The following EBF2 variants were observed in gnomAD, a reference collection of about 807,000 sequenced individuals.
The protein encoded by EBF2 is transcription factor COE2.
In EBF2, 21 loss-of-function variants were observed where a neutral mutation model predicts 72.8. The ratio of observed to expected loss-of-function variants is 0.29; its 90% CI spans 0.20 to 0.42. The LOEUF is 0.42. EBF2 is among the 10% of genes least tolerant of loss of function. The probability of loss-of-function intolerance (pLI) is 1.00; values close to 1 mark genes in which losing one functional copy is unlikely to be tolerated. For synonymous variants in EBF2, 299 were observed against 274.2 expected, an observed-to-expected ratio of 1.09 and a Z score of -0.89; for missense variants, 637 against 731.2, an observed-to-expected ratio of 0.87 and a Z score of 1.49.
At chr8:25,990,188 T>C (rs969567826) in intron 6 of EBF2, among the ~76,000 whole-genome samples, 11 of 146,268 alleles carry the variant, frequency 7.5e-5, no homozygotes, top group Non-Finnish European at 1.1e-4. Context: ...CTATGGGTTA[T>C]ACACACACAC....
At chr8:25,969,017 A>G (rs191044794) in intron 6 of EBF2, among the ~76,000 whole-genome samples, 24 of 152,356 alleles carry the variant, frequency 1.6e-4, no homozygotes, top group Non-Finnish European at 2.4e-4. Context: ...ATGGTAAAAA[A>G]AAATTTTGAT....
intron 14 of EBF2, among the ~76,000 whole-genome samples, chr8:25,853,309 A>G (rs539014097): frequency 6.6e-6 from 1 of 152,170 alleles, no homozygotes; most frequent in Non-Finnish European, 1.5e-5. Context: ...AGATATGTTC[A>G]TATCCTCAAT....
At chr8:25,955,785 G>A (rs1020993825) in intron 6 of EBF2, among the ~76,000 whole-genome samples, 1 of 135,284 alleles carries the variant, frequency 7.4e-6, no homozygotes, top group Admixed American at 7.8e-5. Flanking sequence ...GTCTCATTCT[G>A]GCTTACATTT....
intron 14 of EBF2, among the ~76,000 whole-genome samples, chr8:25,854,917 A>G (rs985539257): frequency 6.6e-6 from 1 of 152,150 alleles, no homozygotes; most frequent in Non-Finnish European, 1.5e-5. Context: ...GCCTGTATGG[A>G]TTCTGTCCCA....
intron 6 of EBF2, among the ~76,000 whole-genome samples, chr8:26,009,510 G>A (rs1436920356): frequency 1.3e-5 from 2 of 152,162 alleles, no homozygotes; most frequent in Non-Finnish European, 2.9e-5. Context: ...TTATGCAAAA[G>A]GTAGATAGCC....
intron 6 of EBF2, among the ~76,000 whole-genome samples, chr8:26,003,362 G>A (rs1157939839): frequency 6.6e-6 from 1 of 152,124 alleles, no homozygotes; most frequent in African/African-American, 2.4e-5. Flanking sequence ...GTGAGCCAGA[G>A]TTTTCGAAAT....
chr8:25,912,051 C>A (rs1803138204), intron 6 of EBF2, among the ~76,000 whole-genome samples: 2 of 152,142 alleles, frequency 1.3e-5, no homozygotes. Context: ...AACAATCCTG[C>A]ACGGTCCAGC....
intron 6 of EBF2, among the ~76,000 whole-genome samples, chr8:26,009,107 G>GAAAAAAAA (rs66503039): frequency 2.4e-5 from 2 of 85,030 alleles, no homozygotes; most frequent in African/African-American, 5.0e-5. Context: ...GAGTAAAAGC[G>GAAAAAAAA]AAAAAAAAAA....
intron 6 of EBF2, among the ~76,000 whole-genome samples, chr8:26,024,486 A>G (rs1805266326): frequency 6.6e-6 from 1 of 152,160 alleles, no homozygotes; most frequent in Non-Finnish European, 1.5e-5. Context: ...CTTACTAAAT[A>G]TAAGTAAGAA....
intron 14 of EBF2, 184 bp downstream of exon 14, chr8:25,858,135 C>T: frequency 1.3e-6 from 1 of 781,478 alleles, no homozygotes; most frequent in Non-Finnish European, 2.2e-6. Flanking sequence ...CCTTGAGTAA[C>T]CACGTGAGCC....
chr8:26,005,853 A>G (rs1316964181), intron 6 of EBF2, among the ~76,000 whole-genome samples: 1 of 151,374 alleles, frequency 6.6e-6, no homozygotes, highest in Non-Finnish European at 1.5e-5. Flanking sequence ...AAAAGATTTT[A>G]AAATGATAGA....
At chr8:25,917,832 C>T (rs773276711) in intron 6 of EBF2, among the ~76,000 whole-genome samples, 1 of 152,120 alleles carries the variant, frequency 6.6e-6, no homozygotes, top group Non-Finnish European at 1.5e-5. Flanking sequence ...ACCAATTACA[C>T]CCAGAGCCCT....
intron 6 of EBF2, among the ~76,000 whole-genome samples, chr8:25,934,224 TACACACACACACACACACACACACAC>T (rs71216403): frequency 5.1e-5 from 7 of 136,838 alleles, no homozygotes; most frequent in African/African-American, 1.1e-4. Flanking sequence ...TTCATGTGCA[TACACACACACACACACACACACACAC>T]ACACACACAC....
At chr8:25,942,189 G>T (rs1017586089) in intron 6 of EBF2, among the ~76,000 whole-genome samples, 1 of 152,220 alleles carries the variant, frequency 6.6e-6, no homozygotes, top group Admixed American at 6.5e-5. Context: ...GTTCTCACAT[G>T]CCTTCCCATT....
Position 26,044,855 on chromosome 8 carries a change from A to G in EBF2, c.5T>C (p.Phe2Ser). 6.2e-7 allele frequency: 1 copy of G among 1,614,036 alleles called. No individual in the cohort carries two copies. Among genetic ancestry groups the G allele is most frequent in the South Asian group, 1.1e-5 (1 of 91,062 alleles). The change falls in exon 1 of 16, where the codon TTT (phenylalanine) becomes TCT (serine). Residue 2 changes from phenylalanine (F) to serine (S), a missense_variant. By Grantham distance (155) the Phe-to-Ser change is radical. This residue lies in a region of EBF2 where 174 missense variants were observed against 161.9 expected (regional missense o/e 1.07). Transcript: ENST00000520164. The surrounding 1 kb of genome is among the most constrained non-coding windows in gnomAD (Gnocchi z 4.1). M[F>S]GIQDTLGRGP... Reference sequence around the variant, plus strand: ...TCTTCCTAAAGTATCTTGAATTCCAAACATTTAAAAAGTCTGATCCTCTAC... The same window carrying G: ...TCTTCCTAAAGTATCTTGAATTCCAGACATTTAAAAAGTCTGATCCTCTAC...
chr8:25,912,079 G>T (rs945657321), intron 6 of EBF2, among the ~76,000 whole-genome samples: 1 of 152,166 alleles, frequency 6.6e-6, no homozygotes, highest in Admixed American at 6.5e-5. Flanking sequence ...GGGTACAGGG[G>T]TCACGGAGTG....
At chr8:25,929,429 C>T (rs543316200) in intron 6 of EBF2, among the ~76,000 whole-genome samples, 3 of 152,266 alleles carry the variant, frequency 2.0e-5, no homozygotes, top group South Asian at 2.1e-4. Context: ...GCACTTAGTA[C>T]GATGCTTATT....
rs1802748700 is a variant in EBF2 at position 25,889,830 on chromosome 8, G to C, written c.673C>G (p.Leu225Val). The C allele has an allele frequency of 7.4e-6, 12 of 1,614,004 alleles. No individual in the cohort carries two copies. The highest frequency in any genetic ancestry group is 9.3e-6 in the Non-Finnish European group (11 of 1,179,936). ...STTVNVDGHV[L>V]AVSDNMFVHN... ...ACAAACATGTTGTCAGAAACAGCCA[G>C]GACGTGTCCATCCACATTCACCGTT... Residue 225 changes from leucine (L) to valine (V), a missense_variant, in exon 8 of 16, where the codon CTG (leucine) becomes GTG (valine). This residue lies in a region of EBF2 where 204 missense variants were observed against 301.2 expected (regional missense o/e 0.68). Coordinates refer to ENST00000520164, the MANE Select transcript of EBF2 (RefSeq NM_022659.4).
intron 6 of EBF2, among the ~76,000 whole-genome samples, chr8:26,021,626 G>C (rs1805204216): frequency 6.6e-6 from 1 of 152,154 alleles, no homozygotes; most frequent in South Asian, 2.1e-4. Context: ...CCCAAATATT[G>C]CATGGGACAA....
Sources: gnomAD v4.1 joint callset for allele counts (sites outside exome capture counted in the v4.1 genomes callset) on GRCh38, gnomAD v4.1.1 for gene constraint, gnomAD v4.1.1 regional missense constraint, Gnocchi (gnomAD v3.1) non-coding constraint, MANE v1.5 for transcripts, NCBI Gene and HGNC (gene_info 2026-07-23, HGNC 2026-07-21) for gene names.